GLI2: variants seen among roughly 807,000 people sequenced by gnomAD.
The protein encoded by GLI2 is GLI family zinc finger 2, also known as transcription activator GLI2.
In GLI2, 22 loss-of-function variants were observed where a neutral mutation model predicts 78.9. The observed-to-expected ratio is 0.28, with a 90% CI of 0.20 to 0.40. GLI2 has a LOEUF of 0.40. Ranked by LOEUF, GLI2 falls within the 10% of genes least tolerant of loss-of-function variation. The pLI is 1.00. For synonymous variants in GLI2, 974 were observed against 963.7 expected (o/e 1.01, Z -0.20); for missense variants, 2,097 against 2,213.2 (o/e 0.95, Z 1.05).
rs1344794848 is a variant in GLI2, at chr2:120,991,580, C to T, written c.*905C>T. The T allele has an allele frequency of 6.6e-6, 1 of 152,646 alleles. No homozygotes were observed. Among genetic ancestry groups the T allele is most frequent in the East Asian group, 1.9e-4 (1 of 5,184 alleles). The allele number at this position is 152,646 out of a possible 1,614,324, so 9.5% of individuals were successfully genotyped here. ...GAGGAGTGAGGGTGCACCCGGGGCC[C>T]AGCCTCAGGCTGCCCTAGGGATCTC... On this transcript the variant is annotated 3_prime_UTR_variant, in exon 14 of 14. Coordinates refer to ENST00000361492, the MANE Select transcript of GLI2 (RefSeq NM_001374353.1).
chr2:120,820,382 G>C (rs1356282260), intron 2 of GLI2, among the ~76,000 whole-genome samples: 2 of 152,224 alleles, frequency 1.3e-5, no homozygotes, highest in African/African-American at 4.8e-5. Flanking sequence ...GAGTTCCCTG[G>C]AAGCCGAGAG....
At chr2:120,984,169 C>G (rs1374153937) in intron 11 of GLI2, among the ~76,000 whole-genome samples, 8 of 152,154 alleles carry the variant, frequency 5.3e-5, no homozygotes, top group Admixed American at 1.3e-4. Flanking sequence ...CCCCACTGCC[C>G]TGTTCATTGA....
intron 2 of GLI2, among the ~76,000 whole-genome samples, chr2:120,836,364 A>G (rs546851436): frequency 1.3e-5 from 2 of 152,222 alleles, no homozygotes; most frequent in South Asian, 2.1e-4. Flanking sequence ...TGTGCACAAG[A>G]TTATGTTTTT....
intron 2 of GLI2, among the ~76,000 whole-genome samples, chr2:120,852,399 C>T (rs1687448103): frequency 6.6e-6 from 1 of 152,200 alleles, no homozygotes; most frequent in Admixed American, 6.5e-5. Flanking sequence ...TGCTGAAACA[C>T]ATAGCACTCC....
intron 2 of GLI2, among the ~76,000 whole-genome samples, chr2:120,871,633 T>G (rs1459372273): frequency 6.6e-6 from 1 of 152,218 alleles, no homozygotes; most frequent in Non-Finnish European, 1.5e-5. Context: ...GTAGCTAACC[T>G]CTAAATCTAT....
At chr2:120,829,513 C>A (rs1267112913) in intron 2 of GLI2, among the ~76,000 whole-genome samples, 2 of 152,178 alleles carry the variant, frequency 1.3e-5, no homozygotes, top group Non-Finnish European at 2.9e-5. Flanking sequence ...CCTTAGCTTC[C>A]CATCTCTAGG....
At chr2:120,774,262 A>G (rs1021594611) in intron 1 of GLI2, among the ~76,000 whole-genome samples, 5 of 152,066 alleles carry the variant, frequency 3.3e-5, no homozygotes, top group African/African-American at 1.2e-4. Flanking sequence ...TAAAGACTGC[A>G]TCCCCTCCCT....
chr2:120,780,341 C>T (rs866487060), intron 1 of GLI2, among the ~76,000 whole-genome samples: 1 of 152,218 alleles, frequency 6.6e-6, no homozygotes, highest in Non-Finnish European at 1.5e-5. Context: ...CAGGCATCTT[C>T]CCCTCTTTCT....
intron 9 of GLI2, among the ~76,000 whole-genome samples, chr2:120,975,903 A>G (rs1682435310): frequency 6.6e-6 from 1 of 152,122 alleles, no homozygotes; most frequent in African/African-American, 2.4e-5. Flanking sequence ...TGTTTCCTAT[A>G]AAGGGGGTTG....
chr2:120,818,207 G>T (rs1573424812), intron 2 of GLI2, among the ~76,000 whole-genome samples: 1 of 152,242 alleles, frequency 6.6e-6, no homozygotes, highest in African/African-American at 2.4e-5. Context: ...AGGGGTGGCA[G>T]TGCCTCTTCC....
At chr2:120,934,914 TGAACACAGCA>T (rs1680120537) in intron 3 of GLI2, among the ~76,000 whole-genome samples, 1 of 152,160 alleles carries the variant, frequency 6.6e-6, no homozygotes, top group Non-Finnish European at 1.5e-5. Flanking sequence ...ATGAGATTAA[TGAACACAGCA>T]GCCTGCTCAG....
chr2:120,889,840 A>G (rs1470081832), intron 2 of GLI2, among the ~76,000 whole-genome samples: 1 of 152,224 alleles, frequency 6.6e-6, no homozygotes, highest in Non-Finnish European at 1.5e-5. Flanking sequence ...GCAGAGAAAC[A>G]GGAGCACTCA....
chr2:120,903,443 C>G (rs552580770), intron 2 of GLI2, among the ~76,000 whole-genome samples: 12 of 152,334 alleles, frequency 7.9e-5, no homozygotes, highest in Admixed American at 6.5e-4. Context: ...GACCCTCCCC[C>G]TGAGAGCCCC....
chr2:120,738,189 G>T (rs1682427585), intron 1 of GLI2, among the ~76,000 whole-genome samples: 1 of 152,202 alleles, frequency 6.6e-6, no homozygotes, highest in Non-Finnish European at 1.5e-5. Context: ...CCCAGCTTCT[G>T]GTCTGTCCTG....
chr2:120,836,190 C>T (rs78147473), intron 2 of GLI2, among the ~76,000 whole-genome samples: 1 of 152,328 alleles, frequency 6.6e-6, no homozygotes, highest in Non-Finnish European at 1.5e-5. Context: ...TCTTCTATCT[C>T]CTGCCCCCCA....
At chr2:120,981,073 G>T (rs1682698503) in intron 10 of GLI2, among the ~76,000 whole-genome samples, 1 of 152,104 alleles carries the variant, frequency 6.6e-6, no homozygotes, top group African/African-American at 2.4e-5. Context: ...TAGAGACGGG[G>T]TTTCACCATG....
chr2:120,946,720 G>A (rs1168228791), intron 3 of GLI2, among the ~76,000 whole-genome samples: 1 of 152,176 alleles, frequency 6.6e-6, no homozygotes, highest in African/African-American at 2.4e-5. Flanking sequence ...GCTCACTGGC[G>A]CTGGCAACAC....
At chr2:120,880,917 C>T (rs1262522262) in intron 2 of GLI2, among the ~76,000 whole-genome samples, 1 of 152,004 alleles carries the variant, frequency 6.6e-6, no homozygotes, top group Non-Finnish European at 1.5e-5. Context: ...TGCAAATATC[C>T]CCCCCTGCCC....
intron 2 of GLI2, among the ~76,000 whole-genome samples, chr2:120,894,637 G>GC (rs563390200): frequency 2.7e-4 from 40 of 146,826 alleles, no homozygotes; most frequent in Non-Finnish European, 4.0e-4. Flanking sequence ...ATTTCAAACC[G>GC]CCCCCCCATA....
Sources: allele counts gnomAD v4.1 joint callset (sites outside exome capture counted in the v4.1 genomes callset), GRCh38; gene constraint gnomAD v4.1.1; transcripts MANE v1.5; gene names NCBI Gene and HGNC (gene_info 2026-07-23, HGNC 2026-07-21).